The following CCR5AS variants were observed in gnomAD, a reference collection of about 807,000 sequenced individuals.
CCR5AS encodes CCR5 antisense RNA.
At chr3:46,387,691 G>A (rs191429678) in intron 2 of CCR5AS, among the ~76,000 whole-genome samples, 26 of 152,156 alleles carry the variant, frequency 1.7e-4, no homozygotes, top group South Asian at 2.1e-4. Context: ...GTTGTGTTAC[G>A]TGCATTCATG....
At chr3:46,401,069 T>C (rs546003945) in intron 1 of CCR5AS, among the ~76,000 whole-genome samples, 1 of 151,670 alleles carries the variant, frequency 6.6e-6, no homozygotes, top group Non-Finnish European at 1.5e-5. Flanking sequence ...TGGGAGAAAG[T>C]GGAATATTGG....
chr3:46,387,776 G>GA (rs751946507), intron 2 of CCR5AS, among the ~76,000 whole-genome samples: 1 of 152,112 alleles, frequency 6.6e-6, no homozygotes, highest in Non-Finnish European at 1.5e-5. Flanking sequence ...GACTGAGTCT[G>GA]AAAAAAGAGT....
chr3:46,379,177 C>T (rs1701790782), intron 2 of CCR5AS, among the ~76,000 whole-genome samples: 1 of 122,680 alleles, frequency 8.2e-6, no homozygotes. Context: ...CCCCCTCCCC[C>T]CACCCCACCA....
chr3:46,404,960 A>G (rs1460217897), intron 1 of CCR5AS, among the ~76,000 whole-genome samples: 6 of 152,260 alleles, frequency 3.9e-5, no homozygotes, highest in Non-Finnish European at 8.8e-5. Context: ...GGGTCAAATT[A>G]TAGTGATAAA....
chr3:46,385,898 G>A (rs1348001258), intron 2 of CCR5AS, among the ~76,000 whole-genome samples: 1 of 151,720 alleles, frequency 6.6e-6, no homozygotes, highest in Non-Finnish European at 1.5e-5. Flanking sequence ...CCACCACAAC[G>A]CCTAGCTAAT....
chr3:46,395,337 T>A (rs1425821279), intron 1 of CCR5AS, among the ~76,000 whole-genome samples: 1 of 151,906 alleles, frequency 6.6e-6, no homozygotes, highest in Non-Finnish European at 1.5e-5. Context: ...TGAGTAGAGA[T>A]CGACATCTGG....
chr3:46,391,859 T>C (rs1701917209), intron 2 of CCR5AS, among the ~76,000 whole-genome samples: 1 of 151,774 alleles, frequency 6.6e-6, no homozygotes, highest in Non-Finnish European at 1.5e-5. Context: ...GATGGGTCCG[T>C]AGAAAAGGAG....
intron 2 of CCR5AS, among the ~76,000 whole-genome samples, chr3:46,383,049 A>G (rs1701829172): frequency 6.6e-6 from 1 of 152,230 alleles, no homozygotes; most frequent in African/African-American, 2.4e-5. Context: ...TTTCTTCTTC[A>G]GATTAGGATG....
chr3:46,384,855 TGATAG>T (rs1701844308), intron 2 of CCR5AS, among the ~76,000 whole-genome samples: 1 of 144,030 alleles, frequency 6.9e-6, no homozygotes, highest in Admixed American at 6.9e-5. Context: ...GGTACATAGA[TGATAG>T]ATAGATAGAT....
intron 2 of CCR5AS, among the ~76,000 whole-genome samples, chr3:46,386,076 T>C (rs915149113): frequency 6.6e-6 from 1 of 152,068 alleles, no homozygotes; most frequent in African/African-American, 2.4e-5. Flanking sequence ...CACACCTGGC[T>C]AATATTTTGT....
chr3:46,364,446 T>G (rs1252404020), exon 4 of CCR5AS, among the ~76,000 whole-genome samples: 1 of 152,100 alleles, frequency 6.6e-6, no homozygotes, highest in African/African-American at 2.4e-5. Flanking sequence ...GAACTATTGC[T>G]CAGAAAAAAA....
At chr3:46,406,512 G>A (rs976263124) in intron 1 of CCR5AS, among the ~76,000 whole-genome samples, 1 of 151,546 alleles carries the variant, frequency 6.6e-6, no homozygotes, top group African/African-American at 2.4e-5. Context: ...CTTCTCTCTG[G>A]ACTCAAACCT....
At chr3:46,370,399 G>A (rs1701645806) in intron 3 of CCR5AS, among the ~76,000 whole-genome samples, 1 of 152,124 alleles carries the variant, frequency 6.6e-6, no homozygotes, top group Non-Finnish European at 1.5e-5. Context: ...TCTGTGTGGG[G>A]GTTGGGGTGG....
intron 2 of CCR5AS, among the ~76,000 whole-genome samples, chr3:46,383,856 G>T (rs1382146955): frequency 6.6e-6 from 1 of 152,186 alleles, no homozygotes; most frequent in Admixed American, 6.5e-5. Context: ...CCAGCTATGT[G>T]CCAGATGCCA....
chr3:46,370,960 A>G (rs1051916921), intron 3 of CCR5AS: 13 of 152,206 alleles, frequency 8.5e-5, no homozygotes, highest in African/African-American at 2.9e-4. Flanking sequence ...GAGCTGAGAC[A>G]TCCGTTCCCC....
At chr3:46,378,282 CAT>C (rs2106758078) in intron 2 of CCR5AS, among the ~76,000 whole-genome samples, 1 of 152,088 alleles carries the variant, frequency 6.6e-6, no homozygotes, top group South Asian at 2.1e-4. Flanking sequence ...TGTCATATGA[CAT>C]ATATCTTTAT....
At chr3:46,372,980 G>A (rs1474984223) in intron 2 of CCR5AS, 4 of 1,613,682 alleles carry the variant, frequency 2.5e-6, no homozygotes, top group East Asian at 4.5e-5. Flanking sequence ...TCAATGTGAA[G>A]CAAATCGCAG....
At chr3:46,365,473 G>A (rs1701590956) in intron 3 of CCR5AS, among the ~76,000 whole-genome samples, 1 of 152,138 alleles carries the variant, frequency 6.6e-6, no homozygotes, top group African/African-American at 2.4e-5. Flanking sequence ...CTACAGTATA[G>A]GATAAACACA....
chr3:46,394,032 A>G (rs1701938573), intron 1 of CCR5AS, among the ~76,000 whole-genome samples: 1 of 152,166 alleles, frequency 6.6e-6, no homozygotes, highest in African/African-American at 2.4e-5. Context: ...TCCCCAGCCA[A>G]TCTTTTTCCC....
Sources: allele counts gnomAD v4.1 joint callset (sites outside exome capture counted in the v4.1 genomes callset), GRCh38; gene constraint gnomAD v4.1.1; transcripts MANE v1.5; gene names NCBI Gene and HGNC (gene_info 2026-07-23, HGNC 2026-07-21).